Variants in KCNIP4 observed in about 807,000 individuals in gnomAD.
KCNIP4 encodes Kv channel-interacting protein 4.
A neutral mutation model predicts 34.0 loss-of-function variants in KCNIP4; 12 were observed. The observed-to-expected ratio is 0.35, with a 90% CI of 0.23 to 0.57. The LOEUF (loss-of-function observed/expected upper bound fraction) is 0.57. KCNIP4 is among the 20% of genes least tolerant of loss of function. The pLI is 0.83. For synonymous variants in KCNIP4, 124 were observed against 102.2 expected (o/e 1.21, Z -1.29); for missense variants, 238 against 311.7 (o/e 0.76, Z 1.78).
chr4:20,950,107 G>A (rs1487810928), intron 1 of KCNIP4, among the ~76,000 whole-genome samples: 1 of 140,330 alleles, frequency 7.1e-6, no homozygotes, highest in Non-Finnish European at 1.5e-5. Flanking sequence ...ACAAAATCCA[G>A]AGAAATAAAA....
chr4:21,483,230 A>AATAT (rs61650696), intron 1 of KCNIP4, among the ~76,000 whole-genome samples: 16,963 of 150,408 alleles, frequency 0.11, 1,148 homozygotes, highest in South Asian at 0.21. Context: ...GTATAATTTA[A>AATAT]ATATATATAT....
chr4:21,582,022 AGAATAGAATGGAATGGAATG>A (rs1560534498), intron 1 of KCNIP4: 24 of 91,620 alleles, frequency 2.6e-4, no homozygotes, highest in Non-Finnish European at 4.5e-4. Flanking sequence ...AGAATAGAAT[AGAATAGAATGGAATGGAATG>A]GAATGGAATG....
At chr4:21,751,373 T>C (rs763358737) in intron 1 of KCNIP4, among the ~76,000 whole-genome samples, 5 of 152,086 alleles carry the variant, frequency 3.3e-5, no homozygotes, top group Non-Finnish European at 7.4e-5. Flanking sequence ...TTATTATTAA[T>C]TGTGTTAGGT....
intron 1 of KCNIP4, among the ~76,000 whole-genome samples, chr4:21,184,660 T>C (rs1225026327): frequency 6.6e-6 from 1 of 152,192 alleles, no homozygotes. Flanking sequence ...TCTGCATTTG[T>C]ATGGCTAGTC....
At chr4:21,822,594 G>A (rs902317704) in intron 1 of KCNIP4, among the ~76,000 whole-genome samples, 1 of 151,806 alleles carries the variant, frequency 6.6e-6, no homozygotes, top group Non-Finnish European at 1.5e-5. Context: ...TACAATGAAG[G>A]GATTATAAAG....
chr4:21,015,145 C>A (rs1739387440), intron 1 of KCNIP4, among the ~76,000 whole-genome samples: 1 of 151,680 alleles, frequency 6.6e-6, no homozygotes, highest in African/African-American at 2.4e-5. Flanking sequence ...AATAGAGAAT[C>A]AGTGTTTAAT....
intron 1 of KCNIP4, among the ~76,000 whole-genome samples, chr4:21,477,932 T>C (rs183817040): frequency 7.0e-4 from 107 of 152,276 alleles, no homozygotes; most frequent in African/African-American, 2.5e-3. Context: ...ATTCTCTTAT[T>C]TTTCTCTTAT....
At chr4:21,235,997 T>A (rs908083064) in intron 1 of KCNIP4, among the ~76,000 whole-genome samples, 1 of 152,088 alleles carries the variant, frequency 6.6e-6, no homozygotes, top group Non-Finnish European at 1.5e-5. Flanking sequence ...TCATGCTTAA[T>A]AAAAATAAAT....
chr4:21,381,474 T>C (rs1304794345), intron 1 of KCNIP4, among the ~76,000 whole-genome samples: 1 of 152,210 alleles, frequency 6.6e-6, no homozygotes, highest in Non-Finnish European at 1.5e-5. Flanking sequence ...GGCTCATTCA[T>C]GTACATAGAA....
At chr4:20,865,320 TTAAGAA>T (rs1316599220) in intron 2 of KCNIP4, among the ~76,000 whole-genome samples, 2 of 151,936 alleles carry the variant, frequency 1.3e-5, no homozygotes, top group Admixed American at 6.6e-5. Context: ...AACTTATTCT[TTAAGAA>T]TAAGTTCTAA....
chr4:21,331,967 G>A (rs1382788247), intron 1 of KCNIP4, among the ~76,000 whole-genome samples: 1 of 151,988 alleles, frequency 6.6e-6, no homozygotes, highest in African/African-American at 2.4e-5. Flanking sequence ...TAGGTCCTTA[G>A]TCATTTGTAT....
chr4:21,572,656 T>C (rs1740451630), intron 1 of KCNIP4, among the ~76,000 whole-genome samples: 1 of 151,628 alleles, frequency 6.6e-6, no homozygotes, highest in Non-Finnish European at 1.5e-5. Flanking sequence ...TTTTGAGACT[T>C]GCTTTGCCAC....
At chr4:21,566,900 C>G (rs755591533) in intron 1 of KCNIP4, among the ~76,000 whole-genome samples, 1 of 152,026 alleles carries the variant, frequency 6.6e-6, no homozygotes, top group Non-Finnish European at 1.5e-5. Flanking sequence ...GACATAAAGC[C>G]AAACTGCAAA....
At chr4:21,532,819 G>C (rs1227335195) in intron 1 of KCNIP4, among the ~76,000 whole-genome samples, 1 of 151,840 alleles carries the variant, frequency 6.6e-6, no homozygotes, top group Non-Finnish European at 1.5e-5. Context: ...TCTCTGGAGG[G>C]GATGCATTCT....
chr4:20,916,974 C>T (rs1728874575), intron 1 of KCNIP4, among the ~76,000 whole-genome samples: 1 of 65,982 alleles, frequency 1.5e-5, no homozygotes, highest in South Asian at 5.2e-4. Context: ...CCACCATTGA[C>T]CATCTTATGT....
chr4:20,891,338 G>A (rs1639098606), intron 1 of KCNIP4, among the ~76,000 whole-genome samples: 1 of 152,160 alleles, frequency 6.6e-6, no homozygotes, highest in Non-Finnish European at 1.5e-5. Context: ...TGAGCAAGGT[G>A]GCTCATGCCT....
At chr4:21,423,525 A>G (rs1485264280) in intron 1 of KCNIP4, among the ~76,000 whole-genome samples, 3 of 152,200 alleles carry the variant, frequency 2.0e-5, no homozygotes, top group Non-Finnish European at 4.4e-5. Flanking sequence ...TAAATGAGTA[A>G]CTAATGCTGA....
chr4:20,778,213 G>A (rs538635635), intron 3 of KCNIP4, among the ~76,000 whole-genome samples: 2 of 152,254 alleles, frequency 1.3e-5, no homozygotes, highest in East Asian at 3.9e-4. Flanking sequence ...CACACTAGCT[G>A]TGTTTCTTAA....
At chr4:21,460,092 A>G (rs1560427096) in intron 1 of KCNIP4, among the ~76,000 whole-genome samples, 1 of 136,668 alleles carries the variant, frequency 7.3e-6, no homozygotes, top group African/African-American at 2.5e-5. Flanking sequence ...GCCTTGCAAA[A>G]TCTGCCCCCC....
Sources: allele counts gnomAD v4.1 joint callset (sites outside exome capture counted in the v4.1 genomes callset), GRCh38; gene constraint gnomAD v4.1.1; transcripts MANE v1.5; gene names NCBI Gene and HGNC (gene_info 2026-07-23, HGNC 2026-07-21).